CACNB2: variants seen among roughly 807,000 people sequenced by gnomAD.
CACNB2 encodes the protein calcium voltage-gated channel auxiliary subunit beta 2, also known as voltage-dependent L-type calcium channel subunit beta-2.
CACNB2 carries 42 observed loss-of-function variants against 73.3 expected under a neutral mutation model. That is an observed-to-expected ratio of 0.57 (90% CI 0.45 to 0.74). The LOEUF (loss-of-function observed/expected upper bound fraction) is 0.74. CACNB2 is among the 30% of genes least tolerant of loss of function. The probability of loss-of-function intolerance (pLI) is 0.00; values close to 1 mark genes in which losing one functional copy is unlikely to be tolerated. For synonymous variants in CACNB2, 348 were observed against 310.3 expected, an observed-to-expected ratio of 1.12 and a Z score of -1.28; for missense variants, 940 against 853.0, an observed-to-expected ratio of 1.10 and a Z score of -1.27.
intron 5 of CACNB2, among the ~76,000 whole-genome samples, chr10:18,502,613 C>T (rs2050257784): frequency 7.3e-6 from 1 of 136,930 alleles, no homozygotes; most frequent in Admixed American, 8.2e-5. Context: ...TCACTTCGAA[C>T]CCGGGAGGCA....
At chr10:18,409,027 T>A (rs903820983) in intron 3 of CACNB2, among the ~76,000 whole-genome samples, 30 of 149,648 alleles carry the variant, frequency 2.0e-4, no homozygotes, top group East Asian at 7.9e-4. Context: ...TAACATTTTT[T>A]AAAATTTTTT....
chr10:18,540,344 A>ATC lies in CACNB2; in HGVS notation c.*621_*622insCT, dbSNP rs2054005147. The ATC allele has an allele frequency of 6.6e-6, 1 of 150,414 alleles. No individual in the cohort carries two copies. Among genetic ancestry groups the ATC allele is most frequent in the East Asian group, 1.9e-4 (1 of 5,176 alleles). 9.3% of individuals were successfully genotyped at this position (150,414 alleles called of 1,614,324 possible). ...CTTATTATATATATAATATATATATATATCAGTTTGATCACACTATTTTAG... is the reference window on the plus strand; with the variant it reads ...CTTATTATATATATAATATATATATATCTATCAGTTTGATCACACTATTTTAG... On this transcript the variant is annotated 3_prime_UTR_variant, in exon 14 of 14. Coordinates refer to ENST00000324631, the MANE Select transcript of CACNB2 (RefSeq NM_201596.3).
chr10:18,150,809 C>G (rs1386873428), intron 1 of CACNB2, 74 bp from the exon 2 acceptor site: 2 of 943,864 alleles, frequency 2.1e-6, no homozygotes, highest in East Asian at 2.7e-5. Context: ...TTTTCTGCAA[C>G]TAGGCCTACA....
intron 2 of CACNB2, among the ~76,000 whole-genome samples, chr10:18,170,769 C>T (rs1473031617): frequency 6.6e-6 from 1 of 152,178 alleles, no homozygotes; most frequent in East Asian, 1.9e-4. Flanking sequence ...GAAACCAATA[C>T]GTTGTATTCT....
chr10:18,162,407 G>A (rs1422226560), intron 2 of CACNB2, among the ~76,000 whole-genome samples: 1 of 152,152 alleles, frequency 6.6e-6, no homozygotes, highest in African/African-American at 2.4e-5. Flanking sequence ...AGGATCTGAT[G>A]TCATCTCTGG....
At chr10:18,247,932 T>C (rs978920602) in intron 2 of CACNB2, among the ~76,000 whole-genome samples, 1 of 152,188 alleles carries the variant, frequency 6.6e-6, no homozygotes, top group Non-Finnish European at 1.5e-5. Context: ...AAATGGTACC[T>C]TCTTACTGTG....
At chr10:18,142,692 A>T (rs1197876258) in intron 1 of CACNB2, among the ~76,000 whole-genome samples, 2 of 152,222 alleles carry the variant, frequency 1.3e-5, no homozygotes, top group African/African-American at 4.8e-5. Flanking sequence ...CAGATAAGAG[A>T]TACTAATTTA....
chr10:18,235,077 A>G (rs1163621322), intron 2 of CACNB2, among the ~76,000 whole-genome samples: 7 of 150,600 alleles, frequency 4.6e-5, no homozygotes, highest in African/African-American at 1.7e-4. Flanking sequence ...CGGGAGGCGG[A>G]GCTTGCAGTG....
At chr10:18,210,002 C>T (rs184928608) in intron 2 of CACNB2, among the ~76,000 whole-genome samples, 8 of 152,138 alleles carry the variant, frequency 5.3e-5, no homozygotes, top group Non-Finnish European at 1.0e-4. Context: ...ACTACTGGGC[C>T]CTTAAGACTA....
chr10:18,416,428 G>GA (rs1423001206), intron 3 of CACNB2, among the ~76,000 whole-genome samples: 1 of 152,096 alleles, frequency 6.6e-6, no homozygotes. Context: ...TTGCTTCTTT[G>GA]TTTTTTGAGA....
At chr10:18,170,160 T>C (rs539362656) in intron 2 of CACNB2, among the ~76,000 whole-genome samples, 4 of 152,182 alleles carry the variant, frequency 2.6e-5, no homozygotes, top group Admixed American at 6.5e-5. Context: ...TAAGTTCACT[T>C]TAGAGGTGGG....
At chr10:18,160,023 GT>G (rs1176488486) in intron 2 of CACNB2, among the ~76,000 whole-genome samples, 2 of 152,056 alleles carry the variant, frequency 1.3e-5, no homozygotes, top group Non-Finnish European at 1.5e-5. Flanking sequence ...GAAGTCCCTT[GT>G]TTTTTCTGTA....
chr10:18,307,218 C>A (rs2039764759), intron 2 of CACNB2, among the ~76,000 whole-genome samples: 1 of 152,134 alleles, frequency 6.6e-6, no homozygotes, highest in South Asian at 2.1e-4. Flanking sequence ...AATTCCAGCA[C>A]TTTGGGAGGC....
intron 2 of CACNB2, among the ~76,000 whole-genome samples, chr10:18,307,998 T>TTTTTTTTTTTTTTTTTTTTTTTTTTTTTG: frequency 7.6e-6 from 1 of 132,072 alleles, no homozygotes; most frequent in Non-Finnish European, 1.6e-5. Flanking sequence ...TTTTTTTTTT[T>TTTTTTTTTTTTTTTTTTTTTTTTTTTTTG]TTTTTTTTTT....
chr10:18,278,647 C>A (rs145493138), intron 2 of CACNB2, among the ~76,000 whole-genome samples: 10 of 151,946 alleles, frequency 6.6e-5, no homozygotes, highest in Non-Finnish European at 1.2e-4. Flanking sequence ...AGATAGAAAA[C>A]GGCTAAGTCA....
At chr10:18,454,634 G>C (rs150497336) in intron 3 of CACNB2, among the ~76,000 whole-genome samples, 3 of 152,188 alleles carry the variant, frequency 2.0e-5, no homozygotes, top group Non-Finnish European at 2.9e-5. Flanking sequence ...CAGTTGGTAC[G>C]TCTGCACAGT....
chr10:18,497,375 TA>T (rs1360021004), intron 3 of CACNB2, among the ~76,000 whole-genome samples: 1 of 152,200 alleles, frequency 6.6e-6, no homozygotes, highest in Non-Finnish European at 1.5e-5. Flanking sequence ...AGGTATTAGC[TA>T]AAGAGAGAAT....
chr10:18,488,198 G>A (rs984409349), intron 3 of CACNB2, among the ~76,000 whole-genome samples: 6 of 151,692 alleles, frequency 4.0e-5, no homozygotes, highest in Non-Finnish European at 5.9e-5. Context: ...GATTTGTGCC[G>A]GGAACTGTGG....
chr10:18,460,499 T>C (rs2047512993), intron 3 of CACNB2, among the ~76,000 whole-genome samples: 1 of 152,162 alleles, frequency 6.6e-6, no homozygotes. Flanking sequence ...AGTTCTGATG[T>C]ATACAAGCCT....
Sources: allele counts gnomAD v4.1 joint callset (sites outside exome capture counted in the v4.1 genomes callset), GRCh38; gene constraint gnomAD v4.1.1; transcripts MANE v1.5; gene names NCBI Gene and HGNC (gene_info 2026-07-23, HGNC 2026-07-21).